RAD51B: variants seen among roughly 807,000 people sequenced by gnomAD.
RAD51B encodes DNA repair protein RAD51 homolog 2.
Under a neutral mutation model 42.2 loss-of-function variants are expected in RAD51B, and 38 were observed. The observed-to-expected ratio is 0.90, with a 90% confidence interval of 0.70 to 1.18. The LOEUF (loss-of-function observed/expected upper bound fraction) is 1.18. Ranked by LOEUF, RAD51B falls within the 50% of genes most tolerant of loss-of-function variation. RAD51B has a pLI of 0.00. For missense variants in RAD51B, 373 were observed against 400.7 expected, an observed-to-expected ratio of 0.93 and a Z score of 0.59; for synonymous variants, 154 against 145.2, an observed-to-expected ratio of 1.06 and a Z score of -0.43.
At chr14:68,389,164 T>C (rs1251736581) in intron 8 of RAD51B, among the ~76,000 whole-genome samples, 1 of 152,198 alleles carries the variant, frequency 6.6e-6, no homozygotes, top group East Asian at 1.9e-4. Flanking sequence ...GTGTACATCG[T>C]AGTGTATAGC....
chr14:68,490,385 A>C (rs1399336897), intron 10 of RAD51B, among the ~76,000 whole-genome samples: 1 of 152,240 alleles, frequency 6.6e-6, no homozygotes, highest in African/African-American at 2.4e-5. Context: ...GAGAAGTCTG[A>C]TAAAATCAGT....
At chr14:67,939,560 G>A (rs561028625) in intron 7 of RAD51B, among the ~76,000 whole-genome samples, 1 of 152,320 alleles carries the variant, frequency 6.6e-6, no homozygotes, top group South Asian at 2.1e-4. Flanking sequence ...TTCGGTAGGG[G>A]CCCATGTATA....
At chr14:68,323,908 C>T (rs1247703986) in intron 8 of RAD51B, among the ~76,000 whole-genome samples, 1 of 152,144 alleles carries the variant, frequency 6.6e-6, no homozygotes, top group Non-Finnish European at 1.5e-5. Flanking sequence ...GCATGATATT[C>T]AGATTCCATG....
At position 68,632,968 on chromosome 14, in the gene RAD51B, C is replaced by CTTTTTT. The variant is rs397852024; in HGVS notation, c.1037-17787_1037-17782dup. On this transcript the variant is annotated intron_variant, in intron 10 of 11. Transcript: ENST00000488612. Reference sequence around the variant, plus strand: ...TTTTTTCTTTTTTCTTTTTCTTTTTCTTTTTTTTTTTTTTTTTTTTTTTTT... The same window carrying CTTTTTT: ...TTTTTTCTTTTTTCTTTTTCTTTTTCTTTTTTTTTTTTTTTTTTTTTTTTTTTTTTT... 7.3e-3 allele frequency among the ~76,000 whole-genome samples: 435 copies of CTTTTTT among 59,444 alleles called. 3 individuals carry two copies. The highest frequency in any genetic ancestry group is 0.011 in the Non-Finnish European group (355 of 33,748). 39.0% of individuals were successfully genotyped at this position (59,444 alleles called of 152,430 possible). A position where few individuals can be genotyped will look rare whatever the true frequency, so the allele number is the denominator to read the frequency against.
chr14:67,872,678 A>G (rs990140309), intron 5 of RAD51B, among the ~76,000 whole-genome samples: 1 of 151,916 alleles, frequency 6.6e-6, no homozygotes, highest in Non-Finnish European at 1.5e-5. Context: ...ACACTACCTG[A>G]CTTCAAACTA....
At chr14:67,883,580 C>T (rs145422917) in intron 5 of RAD51B, among the ~76,000 whole-genome samples, 2 of 152,212 alleles carry the variant, frequency 1.3e-5, no homozygotes, top group Non-Finnish European at 2.9e-5. Context: ...AGCTTTTGCT[C>T]AAATGTCACC....
At chr14:68,650,953 A>C in intron 11 of RAD51B, 1 of 631,612 alleles carries the variant, frequency 1.6e-6, no homozygotes. Flanking sequence ...CAAGAACCTC[A>C]AAAGCATAGC....
At chr14:68,569,250 A>G (rs1889574190) in intron 10 of RAD51B, among the ~76,000 whole-genome samples, 1 of 152,204 alleles carries the variant, frequency 6.6e-6, no homozygotes, top group Admixed American at 6.5e-5. Context: ...ATTGTTTAGG[A>G]GAAGCAGCCC....
intron 7 of RAD51B, among the ~76,000 whole-genome samples, chr14:68,078,101 TATA>T (rs1159938809): frequency 1.1e-4 from 17 of 152,352 alleles, no homozygotes; most frequent in African/African-American, 3.8e-4. Context: ...TATGCACTAT[TATA>T]ATAATATAAT....
chr14:67,993,886 A>G (rs934302141), intron 7 of RAD51B, among the ~76,000 whole-genome samples: 11 of 152,212 alleles, frequency 7.2e-5, no homozygotes, highest in Admixed American at 6.5e-4. Context: ...AGTATAAAAG[A>G]AACACTGGAA....
At chr14:68,329,981 C>CAAAA (rs57191974) in intron 8 of RAD51B, among the ~76,000 whole-genome samples, 1 of 113,882 alleles carries the variant, frequency 8.8e-6, no homozygotes, top group Admixed American at 8.7e-5. Context: ...GACTCTGTCT[C>CAAAA]AAAAAAAAAA....
intron 7 of RAD51B, among the ~76,000 whole-genome samples, chr14:68,086,874 G>C (rs984355885): frequency 2.0e-5 from 3 of 152,146 alleles, no homozygotes; most frequent in Non-Finnish European, 4.4e-5. Flanking sequence ...GGTGGCTCAT[G>C]ACTGTCATCC....
chr14:67,969,706 ATAAC>A (rs1162034483), intron 7 of RAD51B, among the ~76,000 whole-genome samples: 3 of 152,170 alleles, frequency 2.0e-5, no homozygotes, highest in Admixed American at 2.0e-4. Flanking sequence ...AGGAATATAA[ATAAC>A]TAAATATTTA....
At position 68,589,158 on chromosome 14, in the gene RAD51B, G is replaced by A. The variant is rs78251059; in HGVS notation, c.1037-5327G>A. ...CAGAATTACTGGCGGATTAAGTAAC[G>A]TGATACTTACAAGGAACATGGTACA... On this transcript the variant is annotated intron_variant, in intron 10 of 10. Coordinates refer to the RAD51B transcript ENST00000487270. Among the ~76,000 whole-genome samples the A allele has an allele frequency of 4.6e-3, 704 of 152,274 alleles. 11 individuals carry two copies. Among genetic ancestry groups the A allele is most frequent in the African/African-American group, 0.016 (670 of 41,552 alleles).
At chr14:67,903,879 T>G (rs1399691655) in intron 7 of RAD51B, among the ~76,000 whole-genome samples, 1 of 152,138 alleles carries the variant, frequency 6.6e-6, no homozygotes, top group East Asian at 1.9e-4. Context: ...ACCCAGTAGG[T>G]AGTTTTTCAG....
intron 7 of RAD51B, among the ~76,000 whole-genome samples, chr14:68,113,143 C>T (rs570508695): frequency 6.6e-6 from 1 of 152,104 alleles, no homozygotes; most frequent in South Asian, 2.1e-4. Flanking sequence ...TCTGGCTTTC[C>T]TGCAGGAAAA....
intron 10 of RAD51B, among the ~76,000 whole-genome samples, chr14:68,526,635 G>T (rs1295828748): frequency 6.6e-6 from 1 of 152,200 alleles, no homozygotes; most frequent in Non-Finnish European, 1.5e-5. Flanking sequence ...AGTATAGTGG[G>T]GAGAGGGCAT....
exon 11 of RAD51B, chr14:68,595,313 T>G: frequency 5.6e-6 from 6 of 1,066,368 alleles, no homozygotes; most frequent in Non-Finnish European, 5.7e-6. Flanking sequence ...GCTGTTACAA[T>G]AAGCTTGCCT....
intron 7 of RAD51B, among the ~76,000 whole-genome samples, chr14:67,893,121 T>C (rs1316715701): frequency 1.3e-5 from 2 of 152,106 alleles, no homozygotes; most frequent in Non-Finnish European, 2.9e-5. Flanking sequence ...AGAGTATCTA[T>C]GGCAGCTTAA....
Sources: allele counts gnomAD v4.1 joint callset (sites outside exome capture counted in the v4.1 genomes callset), GRCh38; gene constraint gnomAD v4.1.1; transcripts MANE v1.5; gene names NCBI Gene and HGNC (gene_info 2026-07-23, HGNC 2026-07-21).